Variants in ARHGAP22 observed in about 807,000 individuals in gnomAD.
ARHGAP22 encodes the protein rho GTPase-activating protein 22.
ARHGAP22 carries 48 observed loss-of-function variants against 59.1 expected under a neutral mutation model. That is an observed-to-expected ratio of 0.81 (90% CI 0.64 to 1.03). The LOEUF (loss-of-function observed/expected upper bound fraction) is 1.03, where lower values mean the gene tolerates loss of function less well. ARHGAP22 is among the 50% of genes least tolerant of loss of function. The probability of loss-of-function intolerance (pLI) is 0.00; values close to 1 mark genes in which losing one functional copy is unlikely to be tolerated. For synonymous variants in ARHGAP22, 445 were observed against 416.4 expected, an observed-to-expected ratio of 1.07 and a Z score of -0.84; for missense variants, 1,015 against 958.7, an observed-to-expected ratio of 1.06 and a Z score of -0.78.
At chr10:48,479,837 A>G (rs2049119855) in intron 3 of ARHGAP22, 73 bp from the exon 4 acceptor site, 6 of 1,400,944 alleles carry the variant, frequency 4.3e-6, no homozygotes, top group Non-Finnish European at 5.7e-6. Context: ...GGCACTAGTC[A>G]GCATTACTCC....
At chr10:48,481,327 C>T (rs142600525) in intron 3 of ARHGAP22, among the ~76,000 whole-genome samples, 26 of 152,082 alleles carry the variant, frequency 1.7e-4, no homozygotes, top group African/African-American at 5.5e-4. Context: ...GCTGAGTGTG[C>T]GAGATAGGGA....
intron 3 of ARHGAP22, among the ~76,000 whole-genome samples, chr10:48,485,896 T>A (rs2049808657): frequency 6.6e-6 from 1 of 152,196 alleles, no homozygotes; most frequent in Non-Finnish European, 1.5e-5. Context: ...AAGTGCATTT[T>A]TTATCAGGCA....
chr10:48,525,260 C>T (rs549987932), intron 3 of ARHGAP22, among the ~76,000 whole-genome samples: 2 of 152,168 alleles, frequency 1.3e-5, no homozygotes, highest in Non-Finnish European at 2.9e-5. Flanking sequence ...AAGTTGGAAC[C>T]ACCAAAATGT....
intron 1 of ARHGAP22, among the ~76,000 whole-genome samples, chr10:48,640,562 G>A (rs1207621163): frequency 6.6e-6 from 1 of 152,146 alleles, no homozygotes; most frequent in Non-Finnish European, 1.5e-5. Context: ...CTAGAAGTGG[G>A]AGGACGTATT....
At position 48,540,727 on chromosome 10, in the gene ARHGAP22, T is replaced by C. The variant is rs184556191; in HGVS notation, c.322+14736A>G. Among the ~76,000 whole-genome samples, 614 of 152,246 alleles carry C rather than the reference T, an allele frequency of 4.0e-3. 3 individuals carry two copies. Among genetic ancestry groups the C allele is most frequent in the Non-Finnish European group, 6.5e-3 (442 of 68,014 alleles). On this transcript the variant is annotated intron_variant, in intron 3 of 9. Transcript: ENST00000249601. ...TTTGCAGCCTGAGAACTAGACTCCA[T>C]TTCTTGTTATTGTTGCCTCTCCCAA...
chr10:48,646,830 C>T lies in ARHGAP22; in HGVS notation c.52+5404G>A, dbSNP rs941436263. Reference sequence around the variant, plus strand: ...TGTTTGTGATGTTGGGTTAGGTGGACTCTTAGATACCATATCAAAAGCATG... The same window carrying T: ...TGTTTGTGATGTTGGGTTAGGTGGATTCTTAGATACCATATCAAAAGCATG... On this transcript the variant is annotated intron_variant, in intron 1 of 9. Transcript: ENST00000435790. 3.3e-5 allele frequency among the ~76,000 whole-genome samples: 5 copies of T among 152,158 alleles called. No homozygotes were observed. The East Asian group carries it at 9.6e-4, about 29-fold the overall frequency.
At chr10:48,538,729 A>G (rs968290600) in intron 3 of ARHGAP22, among the ~76,000 whole-genome samples, 2 of 152,190 alleles carry the variant, frequency 1.3e-5, no homozygotes, top group Non-Finnish European at 2.9e-5. Context: ...GCAGTTTTCT[A>G]TTCTTCCACA....
At chr10:48,544,280 G>A (rs952945639) in intron 3 of ARHGAP22, among the ~76,000 whole-genome samples, 9 of 152,180 alleles carry the variant, frequency 5.9e-5, no homozygotes, top group African/African-American at 2.2e-4. Flanking sequence ...TTAAGTTATT[G>A]GTCCAGGTTC....
At chr10:48,482,311 C>G (rs2049405757) in intron 3 of ARHGAP22, among the ~76,000 whole-genome samples, 1 of 152,218 alleles carries the variant, frequency 6.6e-6, no homozygotes, top group African/African-American at 2.4e-5. Context: ...CATTCTTTTG[C>G]ATATGCACAT....
chr10:48,630,074 T>C (rs914170440), intron 1 of ARHGAP22, among the ~76,000 whole-genome samples: 1 of 150,714 alleles, frequency 6.6e-6, no homozygotes. Context: ...TGAGTCTATA[T>C]ACCAAGTTAG....
chr10:48,580,570 G>A (rs2059048510), intron 2 of ARHGAP22, among the ~76,000 whole-genome samples: 1 of 152,188 alleles, frequency 6.6e-6, no homozygotes, highest in South Asian at 2.1e-4. Context: ...TCCAGGCAGG[G>A]CTCTGAAAGG....
intron 5 of ARHGAP22, among the ~76,000 whole-genome samples, chr10:48,458,707 G>A (rs958188304): frequency 4.6e-5 from 7 of 152,208 alleles, no homozygotes; most frequent in Admixed American, 6.5e-5. Flanking sequence ...GGATGGAAGA[G>A]GCCTGGCTGG....
the ARHGAP22 span, among the ~76,000 whole-genome samples, chr10:48,433,406 A>C: frequency 6.6e-6 from 1 of 152,250 alleles, no homozygotes; most frequent in Non-Finnish European, 1.5e-5. Flanking sequence ...TGTATGGTAC[A>C]CAGATATACC....
rs546831985 is a variant in ARHGAP22 at position 48,549,419 on chromosome 10, C to T, written c.322+6044G>A. On this transcript the variant is annotated intron_variant, in intron 3 of 9. Coordinates refer to ENST00000249601, the MANE Select transcript of ARHGAP22 (RefSeq NM_021226.4). ...TTGACCATGGTGTGTCTGTCTGAGG[C>T]GGGACCCTGGTGTCTGGAGCCTGCT... Among the ~76,000 whole-genome samples, 10 of 152,218 alleles carry T rather than the reference C, an allele frequency of 6.6e-5. 1 individual carries two copies. The highest frequency in any genetic ancestry group is 1.4e-4 in the African/African-American group (6 of 41,534).
chr10:48,434,071 A>G, the ARHGAP22 span, among the ~76,000 whole-genome samples: 1 of 152,092 alleles, frequency 6.6e-6, no homozygotes, highest in African/African-American at 2.4e-5. Context: ...TCCTAAACCA[A>G]TCCCCTTGAG....
rs771427326 is a variant in ARHGAP22, at chr10:48,450,804, G to A, written c.1325C>T (p.Pro442Leu). 5.1e-6 allele frequency: 8 copies of A among 1,577,086 alleles called. No homozygotes were observed. In the South Asian group the frequency reaches 9.4e-5, roughly 19 times the overall value. The change falls in exon 9 of 10, where the codon CCG (proline) becomes CTG (leucine). Residue 442 changes from proline (P) to leucine (L), a missense_variant. Physicochemically the swap from Pro to Leu is moderately conservative, Grantham distance 98. Coordinates refer to ENST00000249601, the MANE Select transcript of ARHGAP22 (RefSeq NM_021226.4). ...CTCCAGGGATGAGCCGCCCCCCTTC[G>A]GGCTTCCCGATAGGGACCTCGGCTG... ...FRQPRSLSGSPKGGGSSLEVP... is the reference protein window; with the variant it reads ...FRQPRSLSGSLKGGGSSLEVP...
intron 3 of ARHGAP22, among the ~76,000 whole-genome samples, chr10:48,531,957 A>C (rs2054892368): frequency 6.6e-6 from 1 of 152,206 alleles, no homozygotes; most frequent in African/African-American, 2.4e-5. Flanking sequence ...AGCTTTTCAG[A>C]ATAATGTCTG....
chr10:48,480,193 C>A (rs1213293617), intron 3 of ARHGAP22, among the ~76,000 whole-genome samples: 1 of 152,166 alleles, frequency 6.6e-6, no homozygotes, highest in East Asian at 1.9e-4. Flanking sequence ...TAGGGCCTCC[C>A]TTCCCCATCC....
chr10:48,512,750 C>A (rs2052908550), intron 3 of ARHGAP22, among the ~76,000 whole-genome samples: 1 of 152,180 alleles, frequency 6.6e-6, no homozygotes, highest in Admixed American at 6.5e-5. Context: ...GAATTCAGAA[C>A]CAGGTCAGCC....
Sources: gnomAD v4.1 joint callset for allele counts (sites outside exome capture counted in the v4.1 genomes callset) on GRCh38, gnomAD v4.1.1 for gene constraint, MANE v1.5 for transcripts, NCBI Gene and HGNC (gene_info 2026-07-23, HGNC 2026-07-21) for gene names.